DPP9: variants seen among roughly 807,000 people sequenced by gnomAD.
The protein encoded by DPP9 is dipeptidyl peptidase IV-related protein-2.
DPP9 carries 50 observed loss-of-function variants against 110.7 expected under a neutral mutation model. The observed-to-expected ratio is 0.45, with a 90% CI of 0.36 to 0.57. The LOEUF (loss-of-function observed/expected upper bound fraction) is 0.57, where lower values mean the gene tolerates loss of function less well. Among genes scored for constraint, DPP9 ranks in the 20% least tolerant of loss-of-function variants. DPP9 has a pLI of 0.00. For missense variants in DPP9, 1,022 were observed against 1,217.9 expected (o/e 0.84, Z 2.39); for synonymous variants, 561 against 514.4 (o/e 1.09, Z -1.23).
intron 9 of DPP9, 59 bp downstream of exon 9, chr19:4,701,968 G>A (rs1177856834): frequency 6.3e-7 from 1 of 1,584,444 alleles, no homozygotes; most frequent in East Asian, 2.2e-5. Flanking sequence ...CACCTCACCA[G>A]CCATGCCCCA....
chr19:4,707,743 A>G (rs1337622641), intron 4 of DPP9, among the ~76,000 whole-genome samples: 1 of 148,562 alleles, frequency 6.7e-6, no homozygotes, highest in Non-Finnish European at 1.5e-5. Flanking sequence ...CTCCTGCCTC[A>G]GCCTCCAGAG....
chr19:4,699,158 C>CA (rs144927941), intron 10 of DPP9, among the ~76,000 whole-genome samples: 2,578 of 50,318 alleles, frequency 0.051, 78 homozygotes, highest in East Asian at 0.077. Flanking sequence ...GACTCCACCT[C>CA]AAAAAAAAAA....
chr19:4,681,755 C>T (rs1024770138), intron 20 of DPP9, among the ~76,000 whole-genome samples: 10 of 149,996 alleles, frequency 6.7e-5, no homozygotes, highest in East Asian at 5.9e-4. Flanking sequence ...TTTGTAGAGA[C>T]GGGGTTTCAC....
chr19:4,714,392 GCC>G, intron 3 of DPP9, 55 bp from the exon 4 acceptor site: 1 of 1,448,374 alleles, frequency 6.9e-7, no homozygotes, highest in East Asian at 2.5e-5. Context: ...CCTACGAGCT[GCC>G]CCAATGCTGC....
chr19:4,682,902 G>A lies in DPP9; in HGVS notation c.2332-64C>T. The A allele has an allele frequency of 3.2e-6, 5 of 1,541,910 alleles. No homozygotes were observed. Among genetic ancestry groups the A allele is most frequent in the Non-Finnish European group, 4.4e-6 (5 of 1,146,944 alleles). On this transcript the variant is annotated intron_variant, in intron 19 of 21. Coordinates refer to ENST00000262960, the MANE Select transcript of DPP9 (RefSeq NM_139159.5). This position sits in a 1 kb window ranked among gnomAD's most constrained non-coding sequence, Gnocchi z 7.1. ...AGAGAAACAGGCGTCGGGTCCTACA[G>A]CCAGCATCAGCCGCTGTCCCGGGGC...
intron 10 of DPP9, among the ~76,000 whole-genome samples, chr19:4,699,804 G>A (rs567621741): frequency 7.2e-5 from 11 of 152,326 alleles, no homozygotes; most frequent in Non-Finnish European, 1.2e-4. Flanking sequence ...GAAACAGCCC[G>A]TCCGAAGTTG....
In DPP9 at chr19:4,685,516, A is replaced by G. The variant is rs1259282409; in HGVS notation, c.2031+110T>C. The G allele has an allele frequency of 1.6e-6, 2 of 1,237,700 alleles. No homozygotes were observed. The highest frequency in any genetic ancestry group is 2.3e-6 in the Non-Finnish European group (2 of 886,046). 76.7% of individuals were successfully genotyped at this position (1,237,700 alleles called of 1,614,324 possible). On this transcript the variant is annotated intron_variant, in intron 17 of 21. Coordinates refer to ENST00000262960, the MANE Select transcript of DPP9 (RefSeq NM_139159.5). The surrounding 1 kb of genome is among the most constrained non-coding windows in gnomAD (Gnocchi z 5.8). The stretch of plus-strand genomic sequence containing the variant: ...GGGTGGGCTGGGGCACCAGGCAGGT[A>G]GCCGGGGAGCCTCCTCTGGTTGACT...
In DPP9 at chr19:4,685,596, T is replaced by C; in HGVS notation, c.2031+30A>G. On this transcript the variant is annotated intron_variant, in intron 17 of 21. Transcript: ENST00000262960. The surrounding 1 kb of genome is among the most constrained non-coding windows in gnomAD (Gnocchi z 5.8). ...GGGAGTCCTCGGGTGGATGGTGGGG[T>C]GGGGGCCTGGGGAGCAGGTGTGCAC... The C allele has an allele frequency of 6.5e-7, 1 of 1,531,296 alleles. No individual in the cohort carries two copies. The highest frequency in any genetic ancestry group is 8.8e-7 in the Non-Finnish European group (1 of 1,137,236). 94.9% of individuals were successfully genotyped at this position (1,531,296 alleles called of 1,614,324 possible). A position where few individuals can be genotyped will look rare whatever the true frequency, so the allele number is the denominator to read the frequency against.
chr19:4,693,384 C>T lies in DPP9; in HGVS notation c.1516+1277G>A, dbSNP rs1568312010. Among the ~76,000 whole-genome samples the T allele has an allele frequency of 3.3e-5, 5 of 152,126 alleles. No individual in the cohort carries two copies. Among genetic ancestry groups the T allele is most frequent in the African/African-American group, 9.7e-5 (4 of 41,428 alleles). ...CCACCAGGAGTCTCGGTTCCCTGAG[C>T]TCCAGGCACGGGAACTGGCCCATAC... is the stretch of plus-strand genomic sequence containing the variant. On this transcript the variant is annotated intron_variant, in intron 13 of 21. Transcript: ENST00000262960. This position sits in a 1 kb window ranked among gnomAD's most constrained non-coding sequence, Gnocchi z 5.0.
At chr19:4,703,812 G>C in intron 7 of DPP9, 74 bp downstream of exon 7, 1 of 1,485,044 alleles carries the variant, frequency 6.7e-7, no homozygotes, top group Admixed American at 2.0e-5. Flanking sequence ...GACCCTGGCT[G>C]TGGGGGCAAT....
In DPP9 at chr19:4,685,863, G is replaced by A; in HGVS notation, c.1886-92C>T. ...CTGCCCACCCCAAGCCTTGGAGGGT[G>A]GACCAAAGCACCCCCTCTTTTCCTG... On this transcript the variant is annotated intron_variant, in intron 16 of 21. Coordinates refer to ENST00000262960, the MANE Select transcript of DPP9 (RefSeq NM_139159.5). The surrounding 1 kb of genome is among the most constrained non-coding windows in gnomAD (Gnocchi z 5.8). The A allele has an allele frequency of 1.4e-6, 2 of 1,455,928 alleles. No individual in the cohort carries two copies. The highest frequency in any genetic ancestry group is 2.3e-5 in the East Asian group (1 of 42,816). 90.2% of individuals were successfully genotyped at this position (1,455,928 alleles called of 1,614,324 possible).
rs1336970623 is a variant in DPP9, at chr19:4,682,874, G to T, written c.2332-36C>A. ...CAGCAGACAGATGGGGGCAGAGAGA[G>T]AGAGAGAAACAGGCGTCGGGTCCTA... On this transcript the variant is annotated intron_variant, in intron 19 of 21. Transcript: ENST00000262960. The surrounding 1 kb of genome is among the most constrained non-coding windows in gnomAD (Gnocchi z 7.1). 1.3e-6 allele frequency: 2 copies of T among 1,559,630 alleles called. No individual in the cohort carries two copies. The highest frequency in any genetic ancestry group is 1.9e-5 in the Admixed American group (1 of 52,080).
chr19:4,712,785 C>T (rs1411220822), intron 4 of DPP9, among the ~76,000 whole-genome samples: 1 of 152,222 alleles, frequency 6.6e-6, no homozygotes, highest in Non-Finnish European at 1.5e-5. Context: ...CTGATTCCCA[C>T]ACAAGTCTGT....
rs1022575100 is a variant in DPP9 at position 4,704,922 on chromosome 19, C to G, written c.427-618G>C. Among the ~76,000 whole-genome samples, 15 of 152,058 alleles carry G rather than the reference C, an allele frequency of 9.9e-5. No individual in the cohort carries two copies. ...GCTGAGGCAGAAGAATCACTTGAACCGGGAGGCAGAGGTTGCAGTGAGCCG... is the reference window on the plus strand; with the variant it reads ...GCTGAGGCAGAAGAATCACTTGAACGGGGAGGCAGAGGTTGCAGTGAGCCG... On this transcript the variant is annotated intron_variant, in intron 5 of 21. Coordinates refer to ENST00000262960, the MANE Select transcript of DPP9 (RefSeq NM_139159.5). This position sits in a 1 kb window ranked among gnomAD's most constrained non-coding sequence, Gnocchi z 6.0.
rs751204444 is a variant in DPP9, at chr19:4,682,682, G to A, written c.2474+14C>T. 18 of 1,608,048 alleles carry A rather than the reference G, an allele frequency of 1.1e-5. No individual in the cohort carries two copies. Among genetic ancestry groups the A allele is most frequent in the Middle Eastern group, 1.6e-4 (1 of 6,072 alleles). On this transcript the variant is annotated intron_variant, in intron 20 of 21. Coordinates refer to ENST00000262960, the MANE Select transcript of DPP9 (RefSeq NM_139159.5). The surrounding 1 kb of genome is among the most constrained non-coding windows in gnomAD (Gnocchi z 7.1). ...AGCCCCGGGGAGGAGCGCAGGGCAG[G>A]GCAGTGGCCTTACTCATTGGGCAGC...
Position 4,710,286 on chromosome 19 carries a change from A to G in DPP9, c.313+3795T>C, listed in dbSNP as rs2092770169. The stretch of plus-strand genomic sequence containing the variant: ...GCTCTCCCCTGGATCTCAGCCTGGG[A>G]CGTCGGGAGACAGGAATTCTTGCTT... On this transcript the variant is annotated intron_variant, in intron 4 of 21. Transcript: ENST00000262960. This position sits in a 1 kb window ranked among gnomAD's most constrained non-coding sequence, Gnocchi z 5.6. 6.6e-6 allele frequency among the ~76,000 whole-genome samples: 1 copy of G among 152,210 alleles called. No individual in the cohort carries two copies. Among genetic ancestry groups the G allele is most frequent in the Non-Finnish European group, 1.5e-5 (1 of 68,038 alleles).
chr19:4,720,049 G>A, intron 2 of DPP9, 108 bp from the exon 3 acceptor site: 1 of 906,304 alleles, frequency 1.1e-6, no homozygotes, highest in Non-Finnish European at 1.7e-6. Context: ...AGCCCCCCAA[G>A]CCTCCGGGGA....
chr19:4,683,873 G>A, intron 18 of DPP9: 2 of 1,482,352 alleles, frequency 1.3e-6, no homozygotes, highest in Non-Finnish European at 1.8e-6. Flanking sequence ...TCCCCTCTGA[G>A]GGCGTCAGTT....
Position 4,685,482 on chromosome 19 carries a change from G to C in DPP9, c.2031+144C>G. On this transcript the variant is annotated intron_variant, in intron 17 of 21. Coordinates refer to ENST00000262960, the MANE Select transcript of DPP9 (RefSeq NM_139159.5). This position sits in a 1 kb window ranked among gnomAD's most constrained non-coding sequence, Gnocchi z 5.8. ...GGGCCCCGAGGACCCTGTGTAGTCA[G>C]GGCAGGCGGGGTGGGCTGGGGCACC... 1.1e-6 allele frequency: 1 copy of C among 939,966 alleles called. No homozygotes were observed. The highest frequency in any genetic ancestry group is 1.6e-6 in the Non-Finnish European group (1 of 618,348). 58.2% of individuals were successfully genotyped at this position (939,966 alleles called of 1,614,324 possible). A position where few individuals can be genotyped will look rare whatever the true frequency, so the allele number is the denominator to read the frequency against.
Sources: gnomAD v4.1 joint callset for allele counts (sites outside exome capture counted in the v4.1 genomes callset) on GRCh38, gnomAD v4.1.1 for gene constraint, Gnocchi (gnomAD v3.1) non-coding constraint, MANE v1.5 for transcripts, NCBI Gene and HGNC (gene_info 2026-07-23, HGNC 2026-07-21) for gene names.